The following CDH13 variants were observed in gnomAD, a reference collection of about 807,000 sequenced individuals.
CDH13 encodes the protein cadherin-13.
In CDH13, 24 loss-of-function variants were observed where a neutral mutation model predicts 63.8. The ratio of observed to expected loss-of-function variants is 0.38; its 90% CI spans 0.27 to 0.53. CDH13 has a LOEUF of 0.53. Ranked by LOEUF, CDH13 falls within the 20% of genes least tolerant of loss-of-function variation. CDH13 has a pLI of 0.85. For synonymous variants in CDH13, 503 were observed against 355.3 expected, an observed-to-expected ratio of 1.42 and a Z score of -4.67; for missense variants, 1,049 against 903.1, an observed-to-expected ratio of 1.16 and a Z score of -2.07.
chr16:82,952,759 T>G (rs1393256420), intron 2 of CDH13, among the ~76,000 whole-genome samples: 1 of 152,212 alleles, frequency 6.6e-6, no homozygotes, highest in Admixed American at 6.5e-5. Flanking sequence ...TCCACCATTC[T>G]CTACTCTCTG....
chr16:82,663,112 G>A (rs937001828), intron 1 of CDH13, among the ~76,000 whole-genome samples: 3 of 152,202 alleles, frequency 2.0e-5, no homozygotes, highest in Non-Finnish European at 2.9e-5. Context: ...CAGAGACTGC[G>A]GATTGCAGGC....
chr16:82,730,928 G>C (rs145728646), intron 1 of CDH13, among the ~76,000 whole-genome samples: 1 of 152,218 alleles, frequency 6.6e-6, no homozygotes, highest in African/African-American at 2.4e-5. Flanking sequence ...TAAAAGAAGG[G>C]TAATATGGGC....
At chr16:83,212,982 C>T (rs1234269723) in intron 4 of CDH13, among the ~76,000 whole-genome samples, 2 of 152,198 alleles carry the variant, frequency 1.3e-5, no homozygotes, top group African/African-American at 4.8e-5. Context: ...GCCTCTCACT[C>T]TGGGAACACC....
At chr16:82,893,577 A>G (rs2151226208) in intron 2 of CDH13, among the ~76,000 whole-genome samples, 1 of 152,348 alleles carries the variant, frequency 6.6e-6, no homozygotes, top group South Asian at 2.1e-4. Context: ...TTTGGCATGC[A>G]GGAAAGTGAA....
intron 1 of CDH13, among the ~76,000 whole-genome samples, chr16:82,746,184 GGT>G (rs1289748289): frequency 4.4e-5 from 5 of 114,782 alleles, no homozygotes; most frequent in African/African-American, 1.5e-4. Context: ...TTATATGCAT[GGT>G]GTGTGTGTGT....
intron 1 of CDH13, among the ~76,000 whole-genome samples, chr16:82,631,751 T>C (rs1446090961): frequency 6.6e-6 from 1 of 152,156 alleles, no homozygotes; most frequent in Non-Finnish European, 1.5e-5. Context: ...AAGTCATCTT[T>C]CTCTGCTGAG....
intron 3 of CDH13, among the ~76,000 whole-genome samples, chr16:83,065,909 GA>G (rs1291673831): frequency 6.6e-6 from 1 of 152,158 alleles, no homozygotes; most frequent in East Asian, 1.9e-4. Context: ...ATAATAACTG[GA>G]AAATGGCTTT....
intron 5 of CDH13, among the ~76,000 whole-genome samples, chr16:83,286,821 C>CATCT (rs981139906): frequency 2.0e-4 from 30 of 150,000 alleles, no homozygotes; most frequent in Middle Eastern, 6.8e-3. Context: ...AATATATTTA[C>CATCT]ATCTATCTAT....
intron 6 of CDH13, among the ~76,000 whole-genome samples, chr16:83,412,259 C>G (rs986846418): frequency 2.0e-5 from 3 of 152,108 alleles, no homozygotes; most frequent in African/African-American, 7.2e-5. Flanking sequence ...GTCAGGAGTT[C>G]GAGACCAGCT....
chr16:83,583,126 C>T (rs938500152), intron 7 of CDH13, among the ~76,000 whole-genome samples: 8 of 152,162 alleles, frequency 5.3e-5, no homozygotes, highest in Non-Finnish European at 7.3e-5. Context: ...TGCAAAGCTC[C>T]AGTCTCTGCT....
At chr16:83,570,689 A>G (rs547866940) in intron 7 of CDH13, among the ~76,000 whole-genome samples, 4 of 145,908 alleles carry the variant, frequency 2.7e-5, no homozygotes, top group African/African-American at 1.0e-4. Flanking sequence ...ATAAAAAAAA[A>G]TTTAAATTTA....
chr16:83,243,289 C>A (rs1211569928), intron 5 of CDH13, among the ~76,000 whole-genome samples: 2 of 152,188 alleles, frequency 1.3e-5, no homozygotes, highest in African/African-American at 2.4e-5. Flanking sequence ...ACTTACAGTT[C>A]CTCATGGCTG....
intron 3 of CDH13, among the ~76,000 whole-genome samples, chr16:83,041,006 C>T (rs1227030001): frequency 6.6e-6 from 1 of 152,146 alleles, no homozygotes; most frequent in Admixed American, 6.5e-5. Flanking sequence ...CTCAGGTGCT[C>T]ACTGTATAGG....
intron 3 of CDH13, among the ~76,000 whole-genome samples, chr16:83,045,634 T>TAAAAAAAAAAAAA (rs71382861): frequency 1.9e-5 from 2 of 107,948 alleles, no homozygotes; most frequent in African/African-American, 7.4e-5. Context: ...AAGATTCCTT[T>TAAAAAAAAAAAAA]AAAAAAAAAA....
chr16:83,469,758 A>G (rs771015450), intron 6 of CDH13, among the ~76,000 whole-genome samples: 2 of 152,160 alleles, frequency 1.3e-5, no homozygotes, highest in Admixed American at 6.5e-5. Context: ...AATAAAATGC[A>G]TTGTTTGCAA....
At chr16:83,145,006 T>C (rs992537145) in intron 4 of CDH13, among the ~76,000 whole-genome samples, 4 of 152,226 alleles carry the variant, frequency 2.6e-5, no homozygotes, top group African/African-American at 9.6e-5. Context: ...ATGGCCCATG[T>C]TGCAAATGGA....
chr16:83,645,468 G>A (rs984486302), intron 8 of CDH13, among the ~76,000 whole-genome samples: 1 of 152,148 alleles, frequency 6.6e-6, no homozygotes, highest in East Asian at 1.9e-4. Flanking sequence ...TGCTGTTTGG[G>A]TAATAGGTGT....
At chr16:83,662,145 G>T (rs1370686407) in intron 8 of CDH13, among the ~76,000 whole-genome samples, 2 of 152,270 alleles carry the variant, frequency 1.3e-5, no homozygotes, top group East Asian at 3.9e-4. Context: ...CTTCACTCAG[G>T]ACGTTTCTTT....
chr16:82,802,119 A>T (rs1253769439), intron 1 of CDH13, among the ~76,000 whole-genome samples: 1 of 148,302 alleles, frequency 6.7e-6, no homozygotes, highest in Admixed American at 6.7e-5. Context: ...TCTCCCTCTC[A>T]TTGGTTGGAG....
Sources: allele counts gnomAD v4.1 joint callset (sites outside exome capture counted in the v4.1 genomes callset), GRCh38; gene constraint gnomAD v4.1.1; transcripts MANE v1.5; gene names NCBI Gene and HGNC (gene_info 2026-07-23, HGNC 2026-07-21).